Variants in XPO7 observed in about 807,000 individuals in gnomAD.
XPO7 encodes exportin 7.
Under a neutral mutation model 144.3 loss-of-function variants are expected in XPO7, and 21 were observed. The ratio of observed to expected loss-of-function variants is 0.15; its 90% CI spans 0.10 to 0.21. The LOEUF (loss-of-function observed/expected upper bound fraction) is 0.21. XPO7 is among the 10% of genes least tolerant of loss of function. The pLI is 1.00. For missense variants in XPO7, 808 were observed against 1,325.8 expected (o/e 0.61, Z 6.06); for synonymous variants, 580 against 499.6 (o/e 1.16, Z -2.15).
Position 21,999,148 on chromosome 8 carries a change from T to A in XPO7, c.2486T>A (p.Leu829His). ...AAGGATCAGGTCTATGCTCTGAAGC[T>A]CAAGGGCATCTCCATCTGCTTCTCC... ...VPKDQVYALK[L>H]KGISICFSML... Residue 829 changes from leucine (L) to histidine (H), a missense_variant, in exon 23 of 28, where the codon CTC (leucine) becomes CAC (histidine). Physicochemically the swap from Leu to His is moderately conservative, Grantham distance 99. Around this residue, in one of 5 missense-constraint regions of XPO7, gnomAD observed 416 missense variants for 612.5 expected, o/e 0.68. Transcript: ENST00000252512. 1 of 1,613,938 alleles carries A rather than the reference T, an allele frequency of 6.2e-7. No homozygotes were observed. The highest frequency in any genetic ancestry group is 8.5e-7 in the Non-Finnish European group (1 of 1,179,872).
intron 1 of XPO7, among the ~76,000 whole-genome samples, chr8:21,949,968 G>C (rs1001630444): frequency 3.9e-5 from 6 of 152,188 alleles, no homozygotes; most frequent in Non-Finnish European, 7.3e-5. Context: ...CAGGTGATCT[G>C]CCTGCCTTGG....
chr8:21,949,823 A>G lies in XPO7; in HGVS notation c.19-17034A>G, dbSNP rs532272502. Among the ~76,000 whole-genome samples, 4 of 152,306 alleles carry G rather than the reference A, an allele frequency of 2.6e-5. No individual in the cohort carries two copies. The South Asian group carries it at 8.3e-4, about 32-fold the overall frequency. On this transcript the variant is annotated intron_variant, in intron 1 of 27. Transcript: ENST00000252512. ...CGGCTCACTGTACCCTCCACCTTCC[A>G]GCTTCAAGCGATTCTCCTGCCTTAG... is the stretch of plus-strand genomic sequence containing the variant.
chr8:21,923,306 A>G (rs1340297402), intron 1 of XPO7, among the ~76,000 whole-genome samples: 1 of 152,200 alleles, frequency 6.6e-6, no homozygotes, highest in Non-Finnish European at 1.5e-5. Context: ...TCAGGAGCAC[A>G]CACGTAGATA....
intron 1 of XPO7, among the ~76,000 whole-genome samples, chr8:21,939,860 T>C (rs1179060682): frequency 6.6e-6 from 1 of 152,250 alleles, no homozygotes; most frequent in Non-Finnish European, 1.5e-5. Context: ...TTTTCAAATG[T>C]AATTAGCAAA....
intron 1 of XPO7, among the ~76,000 whole-genome samples, chr8:21,937,670 G>A (rs1262649353): frequency 6.6e-6 from 1 of 152,092 alleles, no homozygotes; most frequent in Non-Finnish European, 1.5e-5. Flanking sequence ...TTATTTATTG[G>A]TAACCCTGTT....
chr8:21,961,704 GCAGTGGCAGGAT>G (rs1811731046), intron 1 of XPO7, among the ~76,000 whole-genome samples: 1 of 152,120 alleles, frequency 6.6e-6, no homozygotes, highest in African/African-American at 2.4e-5. Context: ...AGGCTGGAGT[GCAGTGGCAGGAT>G]CAGTGGCAGG....
In XPO7 at chr8:21,991,952, G is replaced by A. The variant is rs1316998274; in HGVS notation, c.2126G>A (p.Ser709Asn). The A allele has an allele frequency of 6.2e-7, 1 of 1,613,458 alleles. No homozygotes were observed. Among genetic ancestry groups the A allele is most frequent in the Non-Finnish European group, 8.5e-7 (1 of 1,179,796 alleles). ...GTGGCCCAGATGTTTAGCACCAATA[G>A]TTTCAACGAGCAGGAGGCAAAGGTG... The part of the protein sequence containing the change: ...EAVAQMFSTN[S>N]FNEQEAKRTL... Residue 709 changes from serine to asparagine, a missense_variant, in exon 19 of 28, where the codon AGT (serine) becomes AAT (asparagine). Ser to Asn is a conservative substitution (Grantham distance 46, BLOSUM62 1). Around this residue, in one of 5 missense-constraint regions of XPO7, gnomAD observed 416 missense variants for 612.5 expected, o/e 0.68. Transcript: ENST00000252512.
At chr8:21,942,837 AAAT>A (rs1811037742) in intron 1 of XPO7, among the ~76,000 whole-genome samples, 1 of 152,192 alleles carries the variant, frequency 6.6e-6, no homozygotes, top group African/African-American at 2.4e-5. Context: ...GATTTAGTAA[AAAT>A]AATTTTTTTG....
chr8:21,967,682 C>A (rs927457620), intron 2 of XPO7, among the ~76,000 whole-genome samples: 7 of 152,124 alleles, frequency 4.6e-5, no homozygotes, highest in Non-Finnish European at 1.5e-5. Context: ...CCTCAGTCTT[C>A]TCTGTGTTTT....
intron 1 of XPO7, among the ~76,000 whole-genome samples, chr8:21,949,459 C>T (rs905304593): frequency 6.6e-6 from 1 of 152,210 alleles, no homozygotes; most frequent in Non-Finnish European, 1.5e-5. Context: ...CCATTATTGC[C>T]ACTCAGATGG....
chr8:21,990,552 T>C, intron 17 of XPO7, 145 bp downstream of exon 17: 1 of 943,556 alleles, frequency 1.1e-6, no homozygotes, highest in South Asian at 1.5e-5. Flanking sequence ...TGCCAGATTA[T>C]ACTTACGTCA....
chr8:21,929,109 CA>C (rs1029504966), intron 1 of XPO7, among the ~76,000 whole-genome samples: 3 of 152,198 alleles, frequency 2.0e-5, no homozygotes, highest in African/African-American at 7.2e-5. Flanking sequence ...TTGTACCAAC[CA>C]CATTTCAAGT....
At chr8:21,944,545 C>T (rs1001481854) in intron 1 of XPO7, among the ~76,000 whole-genome samples, 11 of 151,626 alleles carry the variant, frequency 7.3e-5, no homozygotes, top group South Asian at 2.1e-4. Flanking sequence ...CCAGCCTGGG[C>T]GACAGAGTGA....
intron 1 of XPO7, among the ~76,000 whole-genome samples, chr8:21,956,691 A>C (rs759993502): frequency 6.7e-6 from 1 of 148,488 alleles, no homozygotes; most frequent in Non-Finnish European, 1.5e-5. Context: ...CTCTGTCATC[A>C]TATGTTTATT....
chr8:22,002,229 G>A lies in XPO7; in HGVS notation c.2900G>A (p.Arg967His), dbSNP rs375897041. The change falls in exon 25 of 28, where the codon CGC becomes CAC. Residue 967 changes from arginine to histidine, a missense_variant. Arg to His is a conservative substitution (Grantham distance 29). Around this residue, in one of 5 missense-constraint regions of XPO7, gnomAD observed 140 missense variants for 237.9 expected, o/e 0.59. Coordinates refer to ENST00000252512, the MANE Select transcript of XPO7 (RefSeq NM_015024.5). ...RTTPLNQESD[R>H]FLHIMQQHPE... The stretch of plus-strand genomic sequence containing the variant: ...ACACCCCTGAACCAGGAGAGCGACC[G>A]CTTTCTGCACATCATGCAGCAGCAT... 15 of 1,613,132 alleles carry A rather than the reference G, an allele frequency of 9.3e-6. No homozygotes were observed. The highest frequency in any genetic ancestry group is 2.2e-5 in the South Asian group (2 of 90,844).
At chr8:21,935,981 A>G (rs147616778) in intron 1 of XPO7, among the ~76,000 whole-genome samples, 2 of 152,318 alleles carry the variant, frequency 1.3e-5, no homozygotes, top group East Asian at 3.9e-4. Flanking sequence ...TTTCTCTCCA[A>G]AACAACCTTG....
rs796483563 is a variant in XPO7 at position 21,992,046 on chromosome 8, G to A, written c.2148+72G>A. 2.2e-5 allele frequency: 27 copies of A among 1,213,520 alleles called. No homozygotes were observed. In the African/African-American group the frequency reaches 3.3e-4, roughly 15 times the overall value. 75.2% of individuals were successfully genotyped at this position (1,213,520 alleles called of 1,614,324 possible). A position where few individuals can be genotyped will look rare whatever the true frequency, so the allele number is the denominator to read the frequency against. On this transcript the variant is annotated intron_variant, in intron 19 of 27. Coordinates refer to ENST00000252512, the MANE Select transcript of XPO7 (RefSeq NM_015024.5). ...CAGTCTCTGATTGAAAATCGTGCTT[G>A]ACTGTAAACTATCCACTGCCATAGC...
At chr8:21,955,724 C>CTTTTTTTTT (rs71544845) in intron 1 of XPO7, among the ~76,000 whole-genome samples, 33 of 102,758 alleles carry the variant, frequency 3.2e-4, no homozygotes, top group African/African-American at 7.0e-4. Context: ...CTGTGCTTAC[C>CTTTTTTTTT]TTTTTTTTTT....
chr8:21,945,927 A>T (rs1287750263), intron 1 of XPO7, among the ~76,000 whole-genome samples: 1 of 152,174 alleles, frequency 6.6e-6, no homozygotes, highest in Non-Finnish European at 1.5e-5. Flanking sequence ...TGTAGGGTCA[A>T]ATGCCAACAT....
Sources: gnomAD v4.1 joint callset for allele counts (sites outside exome capture counted in the v4.1 genomes callset) on GRCh38, gnomAD v4.1.1 for gene constraint, gnomAD v4.1.1 regional missense constraint, MANE v1.5 for transcripts, NCBI Gene and HGNC (gene_info 2026-07-23, HGNC 2026-07-21) for gene names.